EPHA5: variants seen among roughly 807,000 people sequenced by gnomAD.
The protein encoded by EPHA5 is EPH receptor A5.
In EPHA5, 60 loss-of-function variants were observed where a neutral mutation model predicts 105.0. The ratio of observed to expected loss-of-function variants is 0.57; its 90% CI spans 0.46 to 0.71. The LOEUF is 0.71. Among genes scored for constraint, EPHA5 ranks in the 30% least tolerant of loss-of-function variants. The pLI is 0.00. For synonymous variants in EPHA5, 513 were observed against 449.1 expected, an observed-to-expected ratio of 1.14 and a Z score of -1.80; for missense variants, 1,218 against 1,274.7, an observed-to-expected ratio of 0.96 and a Z score of 0.68.
chr4:65,640,795 T>C (rs984373409), intron 2 of EPHA5, among the ~76,000 whole-genome samples: 2 of 152,182 alleles, frequency 1.3e-5, no homozygotes, highest in Admixed American at 6.5e-5. Context: ...TCTCAGGTCT[T>C]TCCTGAGCAT....
intron 3 of EPHA5, among the ~76,000 whole-genome samples, chr4:65,500,838 T>C (rs1343267126): frequency 1.3e-5 from 2 of 150,894 alleles, no homozygotes; most frequent in Non-Finnish European, 3.0e-5. Flanking sequence ...TATATATATA[T>C]ATGCATACTA....
At chr4:65,550,835 C>CAAACAAAAAACAAAAACAA (rs1737826409) in intron 3 of EPHA5, among the ~76,000 whole-genome samples, 1 of 151,924 alleles carries the variant, frequency 6.6e-6, no homozygotes, top group Non-Finnish European at 1.5e-5. Context: ...GACTCCTTCT[C>CAAACAAAAAACAAAAACAA]AAACAAAAAA....
In EPHA5 at chr4:65,541,848, A is replaced by G. The variant is rs190815225; in HGVS notation, c.911-46305T>C. ...AAATTGACATTATCGGAAGTAAAACACTCCTCAGCAAATGCAAAAGAACTG... is the reference window on the plus strand; with the variant it reads ...AAATTGACATTATCGGAAGTAAAACGCTCCTCAGCAAATGCAAAAGAACTG... On this transcript the variant is annotated intron_variant, in intron 3 of 16. Coordinates refer to ENST00000613740, the MANE Select transcript of EPHA5 (RefSeq NM_001281766.3). Among the ~76,000 whole-genome samples, 10 of 152,016 alleles carry G rather than the reference A, an allele frequency of 6.6e-5. No individual in the cohort carries two copies. In the East Asian group the frequency reaches 1.7e-3, roughly 26 times the overall value.
rs569502632 is a variant in EPHA5, at chr4:65,640,420, G to T, written c.246+2943C>A. Among the ~76,000 whole-genome samples, 17 of 151,460 alleles carry T rather than the reference G, an allele frequency of 1.1e-4. No homozygotes were observed. The East Asian group carries it at 3.3e-3, about 30-fold the overall frequency. ...CCTGCCTCAGCCTCCCGAGTAGCTG[G>T]GACTACAGGCGCCCACCACCACGCC... is the stretch of plus-strand genomic sequence containing the variant. On this transcript the variant is annotated intron_variant, in intron 2 of 16. Transcript: ENST00000613740.
Position 65,490,368 on chromosome 4 carries a change from G to A in EPHA5, c.1402+9C>T, listed in dbSNP as rs765103845. On this transcript the variant is annotated intron_variant, in intron 5 of 16. Coordinates refer to ENST00000613740, the MANE Select transcript of EPHA5 (RefSeq NM_001281766.3). ...TCACATACACAATTGGGTTGGGCAT[G>A]GCACTTACCTGCTTGATTTGTGGTT... The A allele has an allele frequency of 6.2e-7, 1 of 1,610,628 alleles. No individual in the cohort carries two copies. Among genetic ancestry groups the A allele is most frequent in the Admixed American group, 1.7e-5 (1 of 59,982 alleles).
Position 65,333,618 on chromosome 4 carries a change from T to C in EPHA5, c.2790-1490A>G, listed in dbSNP as rs1380271156. ...AATCTCCTTTGCCTGCTAGTCTTTT[T>C]TTTTTTTTTTTTTTTCCTGACTTTA... On this transcript the variant is annotated intron_variant, in intron 15 of 16. Transcript: ENST00000613740. Among the ~76,000 whole-genome samples, 373 of 148,152 alleles carry C rather than the reference T, an allele frequency of 2.5e-3. 8 individuals are homozygous for C. Among genetic ancestry groups the C allele is most frequent in the East Asian group, 0.023 (115 of 4,992 alleles).
intron 5 of EPHA5, among the ~76,000 whole-genome samples, chr4:65,437,280 G>A (rs1725566834): frequency 6.6e-6 from 1 of 151,988 alleles, no homozygotes; most frequent in African/African-American, 2.4e-5. Flanking sequence ...TTCACAAAGA[G>A]ACTCTGGCTT....
At position 65,351,491 on chromosome 4, in the gene EPHA5, A is replaced by G; in HGVS notation, c.2343T>C (p.Ala781=). ...SDMGYVHRDL[A]ARNILINSNL... ...TACTGTTGATTAAGATGTTTCTGGCAGCAAGATCTCTATGCACATAGCCCA... is the reference window on the plus strand; with the variant it reads ...TACTGTTGATTAAGATGTTTCTGGCGGCAAGATCTCTATGCACATAGCCCA... The change falls in exon 13 of 17, where the codon GCT becomes GCC. Residue 781 remains alanine (A), a synonymous_variant. Coordinates refer to ENST00000613740, the MANE Select transcript of EPHA5 (RefSeq NM_001281766.3). 1 of 1,613,856 alleles carries G rather than the reference A, an allele frequency of 6.2e-7. No homozygotes were observed. The highest frequency in any genetic ancestry group is 2.2e-5 in the East Asian group (1 of 44,832).
At chr4:65,626,614 CA>C (rs1746183418) in intron 2 of EPHA5, among the ~76,000 whole-genome samples, 1 of 152,110 alleles carries the variant, frequency 6.6e-6, no homozygotes, top group East Asian at 1.9e-4. Flanking sequence ...AAATTAAGTT[CA>C]AAATCATGAT....
chr4:65,595,978 G>A (rs1388649412), intron 3 of EPHA5, among the ~76,000 whole-genome samples: 1 of 152,150 alleles, frequency 6.6e-6, no homozygotes, highest in African/African-American at 2.4e-5. Flanking sequence ...GGCAGAGGTA[G>A]AATAAGACTA....
intron 14 of EPHA5, among the ~76,000 whole-genome samples, chr4:65,339,161 A>T (rs1384990233): frequency 6.6e-6 from 1 of 152,096 alleles, no homozygotes; most frequent in Non-Finnish European, 1.5e-5. Context: ...TTAGCCCCCT[A>T]TATAGTATTA....
rs1230375134 is a variant in EPHA5 at position 65,542,855 on chromosome 4, C to A, written c.911-47312G>T. Among the ~76,000 whole-genome samples, 5 of 151,996 alleles carry A rather than the reference C, an allele frequency of 3.3e-5. No homozygotes were observed. In the East Asian group the frequency reaches 5.8e-4, roughly 18 times the overall value. Reference sequence around the variant, plus strand: ...TACTGGCAAATCAAATTCAGCAGCACATGAAAAAGATTATCACTATGATCA... The same window carrying A: ...TACTGGCAAATCAAATTCAGCAGCAAATGAAAAAGATTATCACTATGATCA... On this transcript the variant is annotated intron_variant, in intron 3 of 16. Coordinates refer to ENST00000613740, the MANE Select transcript of EPHA5 (RefSeq NM_001281766.3).
chr4:65,584,630 T>A (rs1741942680), intron 3 of EPHA5, among the ~76,000 whole-genome samples: 1 of 151,920 alleles, frequency 6.6e-6, no homozygotes, highest in Non-Finnish European at 1.5e-5. Flanking sequence ...CCTTTAATAT[T>A]AACACATTTT....
intron 14 of EPHA5, among the ~76,000 whole-genome samples, chr4:65,339,493 A>G (rs1721497496): frequency 6.6e-6 from 1 of 152,124 alleles, no homozygotes; most frequent in Admixed American, 6.6e-5. Context: ...AACCAATTTA[A>G]CTATAACTTT....
In EPHA5 at chr4:65,669,908, G is replaced by T; in HGVS notation, c.-166C>A. The T allele has an allele frequency of 9.2e-7, 1 of 1,088,628 alleles. No individual in the cohort carries two copies. Among genetic ancestry groups the T allele is most frequent in the Non-Finnish European group, 1.2e-6 (1 of 858,026 alleles). 67.4% of individuals were successfully genotyped at this position (1,088,628 alleles called of 1,614,324 possible). On this transcript the variant is annotated 5_prime_UTR_variant, in exon 1 of 17. Coordinates refer to ENST00000613740, the MANE Select transcript of EPHA5 (RefSeq NM_001281766.3). The stretch of plus-strand genomic sequence containing the variant: ...ATGTAGGAACCACGGATCCGGCTGA[G>T]ACAGCTGAAGTTTGCTTCTGGCTCC...
chr4:65,348,895 A>T (rs1469793822), intron 13 of EPHA5, among the ~76,000 whole-genome samples: 1 of 136,348 alleles, frequency 7.3e-6, no homozygotes, highest in African/African-American at 2.8e-5. Context: ...CACTCACTGT[A>T]ACCCCCACCT....
intron 3 of EPHA5, among the ~76,000 whole-genome samples, chr4:65,567,166 T>C (rs1739631880): frequency 6.6e-6 from 1 of 151,636 alleles, no homozygotes; most frequent in Non-Finnish European, 1.5e-5. Flanking sequence ...AAGACAAATT[T>C]CTTTTTATGT....
chr4:65,447,258 G>A (rs963279441), intron 5 of EPHA5, among the ~76,000 whole-genome samples: 3 of 151,912 alleles, frequency 2.0e-5, no homozygotes, highest in Admixed American at 6.6e-5. Context: ...TAGTTTCTAA[G>A]CAGATATTTG....
intron 5 of EPHA5, 111 bp from the exon 6 acceptor site, chr4:65,420,676 TC>T (rs1436047255): frequency 1.9e-6 from 2 of 1,044,962 alleles, no homozygotes; most frequent in Non-Finnish European, 1.3e-6. Flanking sequence ...ATAAAAAAAA[TC>T]CCAATTAAAT....
Sources: allele counts gnomAD v4.1 joint callset (sites outside exome capture counted in the v4.1 genomes callset), GRCh38; gene constraint gnomAD v4.1.1; transcripts MANE v1.5; gene names NCBI Gene and HGNC (gene_info 2026-07-23, HGNC 2026-07-21).